Variants in CELSR1 observed in about 807,000 individuals in gnomAD.
The protein encoded by CELSR1 is adhesion G protein-coupled receptor C1.
Under a neutral mutation model 249.1 loss-of-function variants are expected in CELSR1, and 110 were observed. The observed-to-expected ratio is 0.44, with a 90% CI of 0.38 to 0.52. CELSR1 has a LOEUF of 0.52. Ranked by LOEUF, CELSR1 falls within the 20% of genes least tolerant of loss-of-function variation. The pLI, the probability that CELSR1 is intolerant of heterozygous loss-of-function variation, is 0.00. For missense variants in CELSR1, 4,109 were observed against 4,296.4 expected, an observed-to-expected ratio of 0.96 and a Z score of 1.22; for synonymous variants, 2,113 against 1,900.0, an observed-to-expected ratio of 1.11 and a Z score of -2.92.
intron 5 of CELSR1, among the ~76,000 whole-genome samples, chr22:46,422,157 G>C (rs1307864999): frequency 6.6e-6 from 1 of 151,982 alleles, no homozygotes; most frequent in Non-Finnish European, 1.5e-5. Context: ...CCAGGCTAGA[G>C]TGCAGTGGCA....
chr22:46,372,527 T>A (rs1480645830), intron 25 of CELSR1, among the ~76,000 whole-genome samples: 1 of 119,802 alleles, frequency 8.3e-6, no homozygotes, highest in East Asian at 3.1e-4. Context: ...CACCCATTCA[T>A]CCTCTCACTC....
intron 27 of CELSR1, among the ~76,000 whole-genome samples, chr22:46,368,956 T>A (rs368255918): frequency 6.7e-6 from 1 of 150,240 alleles, no homozygotes; most frequent in Non-Finnish European, 1.5e-5. Context: ...GCCCCCTCCC[T>A]TCAGCTAACC....
intron 3 of CELSR1, 30 bp downstream of exon 3, chr22:46,439,159 C>G (rs374248531): frequency 6.3e-7 from 1 of 1,591,508 alleles, no homozygotes; most frequent in Admixed American, 1.7e-5. Context: ...TAAAGAGACC[C>G]CCGTGTGGCG....
chr22:46,526,170 T>A lies in CELSR1; in HGVS notation c.3544+7457A>T, dbSNP rs112579482. ...CCCAGGCCCCTTTTTCCCGTCCGCC[T>A]CCTGCTCCTCCATTCCCTCCAGGTC... On this transcript the variant is annotated intron_variant, in intron 1 of 34. Coordinates refer to ENST00000674500, the MANE Select transcript of CELSR1 (RefSeq NM_001378328.1). The surrounding 1 kb of genome is among the most constrained non-coding windows in gnomAD (Gnocchi z 4.7). 4.3e-3 allele frequency among the ~76,000 whole-genome samples: 648 copies of A among 152,258 alleles called. 4 individuals are homozygous for A. Among genetic ancestry groups the A allele is most frequent in the African/African-American group, 0.014 (562 of 41,552 alleles).
In CELSR1 at chr22:46,522,403, G is replaced by A. The variant is rs565036948; in HGVS notation, c.3544+11224C>T. ...CAGGATTATAGGCTGGAGCCCCCAC[G>A]CCTGCGGTTTCGACTTGAATTTCCC... On this transcript the variant is annotated intron_variant, in intron 1 of 34. Coordinates refer to ENST00000674500, the MANE Select transcript of CELSR1 (RefSeq NM_001378328.1). Among the ~76,000 whole-genome samples the A allele has an allele frequency of 2.6e-5, 4 of 152,216 alleles. No individual in the cohort carries two copies. In the East Asian group the frequency reaches 5.8e-4, roughly 22 times the overall value.
At chr22:46,373,776 C>A (rs760274905) in intron 24 of CELSR1, among the ~76,000 whole-genome samples, 3 of 151,058 alleles carry the variant, frequency 2.0e-5, no homozygotes, top group Non-Finnish European at 4.4e-5. Context: ...CTGACCCCAC[C>A]CCCAACCGGC....
In CELSR1 at chr22:46,411,285, C is replaced by A. The variant is rs2079331381; in HGVS notation, c.4769+317G>T. On this transcript the variant is annotated intron_variant, in intron 6 of 34. Transcript: ENST00000674500. The surrounding 1 kb of genome is among the most constrained non-coding windows in gnomAD (Gnocchi z 4.2). ...GCTTCACTTAACAGAGTCCTGGAGT[C>A]CCAGGTACCAGAATTTGCGGGGACA... is the stretch of plus-strand genomic sequence containing the variant. 3.9e-5 allele frequency among the ~76,000 whole-genome samples: 6 copies of A among 152,158 alleles called. No individual in the cohort carries two copies. Among genetic ancestry groups the A allele is most frequent in the African/African-American group, 1.4e-4 (6 of 41,444 alleles).
At position 46,441,139 on chromosome 22, in the gene CELSR1, C is replaced by G. The variant is rs558094413; in HGVS notation, c.4184-1728G>C. Among the ~76,000 whole-genome samples, 29 of 142,890 alleles carry G rather than the reference C, an allele frequency of 2.0e-4. No individual in the cohort carries two copies. Among genetic ancestry groups the G allele is most frequent in the Admixed American group, 8.1e-4 (11 of 13,634 alleles). 93.7% of individuals were successfully genotyped at this position (142,890 alleles called of 152,430 possible). The stretch of plus-strand genomic sequence containing the variant: ...CCGCACTCCAGCCTAGGTGCCAGAG[C>G]GAGACTTCATTTCAAAAAAAAAAAA... On this transcript the variant is annotated intron_variant, in intron 2 of 34. Transcript: ENST00000674500. The surrounding 1 kb of genome is among the most constrained non-coding windows in gnomAD (Gnocchi z 6.1).
chr22:46,535,329 G>A lies in CELSR1; in HGVS notation c.1842C>T (p.Gly614=), dbSNP rs775160774. ...CAGGATTCTTAGGCCCAGCGCTGCC[G>A]CCCCCCAGAAAGGTGGAGGCCGTGT... ...LVDTASTFLG[G]GSAGPKNPAP... The change falls in exon 1 of 35, where the codon GGC becomes GGT. Residue 614 remains glycine (G), a synonymous_variant. Coordinates refer to ENST00000674500, the MANE Select transcript of CELSR1 (RefSeq NM_001378328.1). 42 of 1,611,904 alleles carry A rather than the reference G, an allele frequency of 2.6e-5. No homozygotes were observed. The highest frequency in any genetic ancestry group is 9.3e-5 in the African/African-American group (7 of 74,916).
At chr22:46,503,372 T>C (rs1442566995) in intron 1 of CELSR1, among the ~76,000 whole-genome samples, 1 of 152,214 alleles carries the variant, frequency 6.6e-6, no homozygotes, top group Non-Finnish European at 1.5e-5. Context: ...ACACCTGTAC[T>C]TCCTTCTGTT....
rs1290319504 is a variant in CELSR1, at chr22:46,471,406, T to C, written c.3545-7061A>G. ...TAGGTTTGGGGGTCTTTTGCTTGTT[T>C]TGAGACAGAGTCTCATTCTGTGGCC... On this transcript the variant is annotated intron_variant, in intron 1 of 34. Coordinates refer to ENST00000674500, the MANE Select transcript of CELSR1 (RefSeq NM_001378328.1). The surrounding 1 kb of genome is among the most constrained non-coding windows in gnomAD (Gnocchi z 4.9). 6.6e-6 allele frequency among the ~76,000 whole-genome samples: 1 copy of C among 152,148 alleles called. No homozygotes were observed. Among genetic ancestry groups the C allele is most frequent in the African/African-American group, 2.4e-5 (1 of 41,442 alleles).
At chr22:46,422,505 G>C (rs866251817) in intron 5 of CELSR1, among the ~76,000 whole-genome samples, 42 of 151,576 alleles carry the variant, frequency 2.8e-4, no homozygotes, top group Admixed American at 1.5e-3. Flanking sequence ...AGGCCAAGGG[G>C]GGGCGGATCA....
At chr22:46,465,425 A>C (rs1046086000) in intron 1 of CELSR1, among the ~76,000 whole-genome samples, 10 of 151,462 alleles carry the variant, frequency 6.6e-5, no homozygotes, top group Non-Finnish European at 1.3e-4. Flanking sequence ...TAACTGCCCC[A>C]GTCAGGAGGA....
Position 46,517,193 on chromosome 22 carries a change from G to C in CELSR1, c.3544+16434C>G, listed in dbSNP as rs774287497. Among the ~76,000 whole-genome samples the C allele has an allele frequency of 6.6e-6, 1 of 152,364 alleles. No homozygotes were observed. The highest frequency in any genetic ancestry group is 1.9e-4 in the East Asian group (1 of 5,186). ...GCTGCAGAGCATGGAGCTGCCAGGT[G>C]CAAGTTTGGCCCCTGAAGGGGCTTG... On this transcript the variant is annotated intron_variant, in intron 1 of 34. Coordinates refer to ENST00000674500, the MANE Select transcript of CELSR1 (RefSeq NM_001378328.1). This position sits in a 1 kb window ranked among gnomAD's most constrained non-coding sequence, Gnocchi z 5.4.
intron 23 of CELSR1, 86 bp from the exon 24 acceptor site, chr22:46,377,347 C>T (rs2078930596): frequency 5.7e-6 from 8 of 1,395,990 alleles, no homozygotes; most frequent in Non-Finnish European, 8.0e-6. Context: ...AAATTACACA[C>T]TTGCTTATGA....
At chr22:46,521,476 G>C (rs1338780691) in intron 1 of CELSR1, among the ~76,000 whole-genome samples, 1 of 151,228 alleles carries the variant, frequency 6.6e-6, no homozygotes, top group Non-Finnish European at 1.5e-5. Context: ...CTGCACTCCA[G>C]CCTGGGCGAC....
rs9615979 is a variant in CELSR1, at chr22:46,393,124, G to T, written c.5964+1018C>A. Among the ~76,000 whole-genome samples the T allele has an allele frequency of 0.078, 11,932 of 152,186 alleles. 506 individuals are homozygous for T. The highest frequency in any genetic ancestry group is 0.095 in the Middle Eastern group (28 of 294). On this transcript the variant is annotated intron_variant, in intron 14 of 34. Transcript: ENST00000674500. This position sits in a 1 kb window ranked among gnomAD's most constrained non-coding sequence, Gnocchi z 4.1. The stretch of plus-strand genomic sequence containing the variant: ...GGTACCAGCTTCCCTCCTAGGGCCA[G>T]CCGCATCTGCAGGAAGCTCACGTCC...
intron 27 of CELSR1, among the ~76,000 whole-genome samples, chr22:46,368,606 G>A (rs1399413291): frequency 6.8e-6 from 1 of 146,362 alleles, no homozygotes; most frequent in East Asian, 1.9e-4. Context: ...GGCTGGCCTT[G>A]TTGTCTGACA....
chr22:46,497,602 G>C (rs1191100041), intron 1 of CELSR1, among the ~76,000 whole-genome samples: 8 of 152,140 alleles, frequency 5.3e-5, no homozygotes. Context: ...TGCCATTGGA[G>C]TTAGGGCCCC....
Sources: allele counts gnomAD v4.1 joint callset (sites outside exome capture counted in the v4.1 genomes callset), GRCh38; gene constraint gnomAD v4.1.1; non-coding constraint Gnocchi (gnomAD v3.1); transcripts MANE v1.5; gene names NCBI Gene and HGNC (gene_info 2026-07-23, HGNC 2026-07-21).